PPP2R2B: variants seen among roughly 807,000 people sequenced by gnomAD.
PPP2R2B encodes the protein serine/threonine-protein phosphatase 2A 55 kDa regulatory subunit B beta isoform.
PPP2R2B carries 5 observed loss-of-function variants against 46.0 expected under a neutral mutation model. That is an observed-to-expected ratio of 0.11 (90% CI 0.06 to 0.23). The LOEUF (loss-of-function observed/expected upper bound fraction) is 0.23. Ranked by LOEUF, PPP2R2B falls within the 10% of genes least tolerant of loss-of-function variation. PPP2R2B has a pLI of 1.00. For missense variants in PPP2R2B, 367 were observed against 575.0 expected (o/e 0.64, Z 3.70); for synonymous variants, 215 against 206.7 (o/e 1.04, Z -0.34).
intron 6 of PPP2R2B, among the ~76,000 whole-genome samples, chr5:146,645,195 G>A (rs551407772): frequency 2.0e-5 from 3 of 152,310 alleles, no homozygotes; most frequent in Admixed American, 1.3e-4. Flanking sequence ...AGGGACATGA[G>A]TTGCTTTGAG....
intron 1 of PPP2R2B, among the ~76,000 whole-genome samples, chr5:146,962,660 A>G (rs1376324367): frequency 1.3e-5 from 2 of 152,048 alleles, no homozygotes; most frequent in South Asian, 4.2e-4. Flanking sequence ...TAAAAAAAAA[A>G]CAACCTTAAA....
chr5:146,712,937 C>G (rs1401895925), intron 2 of PPP2R2B, among the ~76,000 whole-genome samples: 2 of 152,160 alleles, frequency 1.3e-5, no homozygotes, highest in African/African-American at 2.4e-5. Context: ...AAGTACTATT[C>G]CAGATATTAA....
At chr5:146,931,929 A>C (rs888028601) in intron 1 of PPP2R2B, among the ~76,000 whole-genome samples, 3 of 152,196 alleles carry the variant, frequency 2.0e-5, no homozygotes, top group Non-Finnish European at 4.4e-5. Context: ...GTGTGGATGC[A>C]TGCACATGTG....
upstream of PPP2R2B, among the ~76,000 whole-genome samples, chr5:147,059,686 C>G (rs1412907729): frequency 6.6e-6 from 1 of 152,216 alleles, no homozygotes; most frequent in Non-Finnish European, 1.5e-5. Flanking sequence ...ATGATTTCCG[C>G]ATGTCAGGTT....
chr5:146,792,833 G>T (rs917895590), intron 2 of PPP2R2B, among the ~76,000 whole-genome samples: 3 of 152,126 alleles, frequency 2.0e-5, no homozygotes, highest in African/African-American at 4.8e-5. Flanking sequence ...AGAATAAACC[G>T]AAGGACAGAT....
At chr5:146,598,315 ACTC>A (rs1316841014) in intron 8 of PPP2R2B, among the ~76,000 whole-genome samples, 1 of 151,756 alleles carries the variant, frequency 6.6e-6, no homozygotes, top group African/African-American at 2.4e-5. Context: ...CTTCCTAGTC[ACTC>A]CTCTCATCTC....
intron 1 of PPP2R2B, among the ~76,000 whole-genome samples, chr5:147,045,423 CA>C (rs757801654): frequency 2.6e-4 from 40 of 152,072 alleles, no homozygotes; most frequent in Non-Finnish European, 4.6e-4. Context: ...AGCCTAGGAG[CA>C]AAAGGCTATA....
intron 2 of PPP2R2B, among the ~76,000 whole-genome samples, chr5:146,814,247 G>A (rs755817531): frequency 6.7e-6 from 1 of 149,938 alleles, no homozygotes; most frequent in Non-Finnish European, 1.5e-5. Context: ...CTTTTTTGGG[G>A]AGACAATGTT....
At chr5:146,706,941 G>C (rs1020152453) in intron 2 of PPP2R2B, 2 of 1,102,024 alleles carry the variant, frequency 1.8e-6, no homozygotes, top group African/African-American at 3.1e-5. Flanking sequence ...TCATACAGCT[G>C]CCTGAGGAAG....
chr5:146,812,858 G>C (rs1488829525), intron 2 of PPP2R2B, among the ~76,000 whole-genome samples: 7 of 93,938 alleles, frequency 7.5e-5, no homozygotes, highest in Non-Finnish European at 9.0e-5. Flanking sequence ...AAAACCATCA[G>C]ATTGTGTGAG....
chr5:147,027,940 G>A (rs762863054), intron 1 of PPP2R2B, among the ~76,000 whole-genome samples: 4 of 152,136 alleles, frequency 2.6e-5, no homozygotes, highest in African/African-American at 9.7e-5. Context: ...GGGGCTTCCA[G>A]GACATCTTTT....
rs539975775 is a variant in PPP2R2B at position 146,796,668 on chromosome 5, G to A, written c.70+81334C>T. On this transcript the variant is annotated intron_variant, in intron 2 of 9. Transcript: ENST00000394411. ...GCTGAATGAACAAATGTACAATTTG[G>A]GAAGTCCTATTTACAAACCTAGGGT... Among the ~76,000 whole-genome samples the A allele has an allele frequency of 3.5e-4, 54 of 152,260 alleles. No homozygotes were observed. In the South Asian group the frequency reaches 0.011, roughly 32 times the overall value.
intron 7 of PPP2R2B, among the ~76,000 whole-genome samples, chr5:146,604,961 C>G (rs1177266111): frequency 3.3e-5 from 5 of 152,172 alleles, no homozygotes; most frequent in African/African-American, 1.2e-4. Context: ...TGCTCCTCAC[C>G]TCTTCCTGTG....
At chr5:146,749,133 A>C (rs781018401) in intron 2 of PPP2R2B, among the ~76,000 whole-genome samples, 3 of 152,128 alleles carry the variant, frequency 2.0e-5, no homozygotes, top group Non-Finnish European at 4.4e-5. Flanking sequence ...TTGTGCTTTA[A>C]TTTGCATTTC....
At chr5:146,687,008 T>C (rs530640813) in intron 5 of PPP2R2B, among the ~76,000 whole-genome samples, 6 of 149,536 alleles carry the variant, frequency 4.0e-5, no homozygotes, top group African/African-American at 1.5e-4. Context: ...GGAAAGTCAA[T>C]GTGTAAGTGT....
At chr5:147,030,817 A>G (rs1755743112) in intron 1 of PPP2R2B, among the ~76,000 whole-genome samples, 2 of 152,134 alleles carry the variant, frequency 1.3e-5, no homozygotes, top group African/African-American at 4.8e-5. Flanking sequence ...TAAACTTTAC[A>G]TGACGTTATT....
At chr5:146,790,567 G>T (rs748337918) in intron 2 of PPP2R2B, among the ~76,000 whole-genome samples, 5 of 152,070 alleles carry the variant, frequency 3.3e-5, no homozygotes, top group Admixed American at 6.5e-5. Context: ...GCACAAAGGG[G>T]GATGAGCATA....
At chr5:146,832,510 G>T (rs954638070) in intron 2 of PPP2R2B, among the ~76,000 whole-genome samples, 1 of 142,680 alleles carries the variant, frequency 7.0e-6, no homozygotes, top group East Asian at 2.3e-4. Context: ...TCCTGCCTCA[G>T]CCTCCCAAGT....
intron 1 of PPP2R2B, among the ~76,000 whole-genome samples, chr5:146,983,627 G>A (rs546199057): frequency 2.0e-5 from 3 of 151,926 alleles, no homozygotes; most frequent in Non-Finnish European, 4.4e-5. Flanking sequence ...CTAGTTTATT[G>A]TCCCCCATTT....
Sources: allele counts gnomAD v4.1 joint callset (sites outside exome capture counted in the v4.1 genomes callset), GRCh38; gene constraint gnomAD v4.1.1; transcripts MANE v1.5; gene names NCBI Gene and HGNC (gene_info 2026-07-23, HGNC 2026-07-21).